Variants in DOCK3 observed in about 807,000 individuals in gnomAD.
DOCK3 encodes the protein dedicator of cytokinesis 3.
In DOCK3, 60 loss-of-function variants were observed where a neutral mutation model predicts 265.6. The ratio of observed to expected loss-of-function variants is 0.23; its 90% CI spans 0.18 to 0.28. DOCK3 has a LOEUF of 0.28. Among genes scored for constraint, DOCK3 ranks in the 10% least tolerant of loss-of-function variants. DOCK3 has a pLI of 1.00. For missense variants in DOCK3, 1,981 were observed against 2,594.3 expected (o/e 0.76, Z 5.14); for synonymous variants, 881 against 938.0 (o/e 0.94, Z 1.11).
At chr3:50,921,357 G>T (rs1260494782) in intron 4 of DOCK3, among the ~76,000 whole-genome samples, 1 of 152,142 alleles carries the variant, frequency 6.6e-6, no homozygotes, top group Non-Finnish European at 1.5e-5. Flanking sequence ...TGAAGCTTGT[G>T]CATGTGTCAC....
At chr3:50,957,096 T>C (rs1193284910) in intron 5 of DOCK3, among the ~76,000 whole-genome samples, 1 of 152,208 alleles carries the variant, frequency 6.6e-6, no homozygotes, top group African/African-American at 2.4e-5. Flanking sequence ...AGTTTTTCAC[T>C]GAAGCATCTG....
In DOCK3 at chr3:51,104,706, A is replaced by T. The variant is rs114549703; in HGVS notation, c.746+14322A>T. On this transcript the variant is annotated intron_variant, in intron 9 of 52. Transcript: ENST00000266037. ...TTAGTAAACACTTATAATCTGAGAA[A>T]AATATATAAACAACAATGAAGAGTT... Among the ~76,000 whole-genome samples, 1,314 of 152,252 alleles carry T rather than the reference A, an allele frequency of 8.6e-3. 24 individuals are homozygous for T. The highest frequency in any genetic ancestry group is 0.03 in the African/African-American group (1,254 of 41,492).
intron 22 of DOCK3, among the ~76,000 whole-genome samples, chr3:51,252,702 A>G (rs2079319477): frequency 6.6e-6 from 1 of 152,110 alleles, no homozygotes; most frequent in Non-Finnish European, 1.5e-5. Context: ...TGATTTTTGC[A>G]CATTGATTTT....
At chr3:50,750,322 ATTTT>A (rs34249464) in intron 1 of DOCK3, among the ~76,000 whole-genome samples, 1 of 73,628 alleles carries the variant, frequency 1.4e-5, no homozygotes. Context: ...TCTACCTTTG[ATTTT>A]TTTTTTTTTT....
intron 1 of DOCK3, among the ~76,000 whole-genome samples, chr3:50,777,458 GAT>G (rs765691645): frequency 6.6e-6 from 1 of 152,098 alleles, no homozygotes; most frequent in African/African-American, 2.4e-5. Flanking sequence ...AAATGATGAT[GAT>G]ATTTTGATGG....
rs934370010 is a variant in DOCK3, at chr3:50,890,107, A to G, written c.218+26A>G. 20 of 1,415,998 alleles carry G rather than the reference A, an allele frequency of 1.4e-5. No individual in the cohort carries two copies. The Admixed American group carries it at 4.2e-4, about 29-fold the overall frequency. The allele number at this position is 1,415,998 out of a possible 1,614,324, so 87.7% of individuals were successfully genotyped here. A position where few individuals can be genotyped will look rare whatever the true frequency, so the allele number is the denominator to read the frequency against. ...GTGAGTAATTGGCCTTACTAAATTT[A>G]TGTACAATTTTTATAGGCTACAGAG... On this transcript the variant is annotated intron_variant, in intron 4 of 52. Coordinates refer to ENST00000266037, the MANE Select transcript of DOCK3 (RefSeq NM_004947.5).
At chr3:51,146,713 GC>G in intron 10 of DOCK3, 83 bp downstream of exon 10, 1 of 1,288,914 alleles carries the variant, frequency 7.8e-7, no homozygotes, top group Non-Finnish European at 1.1e-6. Context: ...CTGGAAACAA[GC>G]ATTTAGTCTT....
intron 3 of DOCK3, among the ~76,000 whole-genome samples, chr3:50,843,391 T>A (rs544637328): frequency 4.6e-5 from 7 of 152,310 alleles, no homozygotes; most frequent in African/African-American, 1.7e-4. Context: ...TAACCAGACT[T>A]CTCTATGTAG....
intron 5 of DOCK3, among the ~76,000 whole-genome samples, chr3:50,956,680 G>A (rs2076739322): frequency 6.6e-6 from 1 of 152,118 alleles, no homozygotes; most frequent in Non-Finnish European, 1.5e-5. Context: ...CCAAGCTGAA[G>A]CACATAGATT....
intron 22 of DOCK3, among the ~76,000 whole-genome samples, chr3:51,253,651 T>C (rs1366171323): frequency 1.3e-5 from 2 of 152,226 alleles, no homozygotes; most frequent in Non-Finnish European, 2.9e-5. Flanking sequence ...TTTATTTGCG[T>C]AGAGGTGCTT....
chr3:51,200,240 C>T (rs2088629147), intron 12 of DOCK3, among the ~76,000 whole-genome samples: 1 of 151,576 alleles, frequency 6.6e-6, no homozygotes, highest in South Asian at 2.1e-4. Flanking sequence ...CTACGAGCTA[C>T]AGGAGGAAAT....
chr3:51,333,411 C>T (rs1484938304), intron 35 of DOCK3, among the ~76,000 whole-genome samples, 158 bp downstream of exon 35: 1 of 152,130 alleles, frequency 6.6e-6, no homozygotes, highest in Non-Finnish European at 1.5e-5. Flanking sequence ...TGCTGATGAC[C>T]AAGGAGAGAC....
chr3:51,259,761 A>G (rs1215852938), intron 22 of DOCK3, among the ~76,000 whole-genome samples: 1 of 152,226 alleles, frequency 6.6e-6, no homozygotes, highest in Admixed American at 6.5e-5. Context: ...TCCTTCTTGC[A>G]GTAAACTTGA....
chr3:50,893,037 A>G lies in DOCK3; in HGVS notation c.218+2956A>G, dbSNP rs377751753. Reference sequence around the variant, plus strand: ...CAGAACCCTGAGACTCTCAGGCTGGATGGAGGAATGAAGTGCGTACATTCA... The same window carrying G: ...CAGAACCCTGAGACTCTCAGGCTGGGTGGAGGAATGAAGTGCGTACATTCA... On this transcript the variant is annotated intron_variant, in intron 4 of 52. Coordinates refer to ENST00000266037, the MANE Select transcript of DOCK3 (RefSeq NM_004947.5). 9.2e-5 allele frequency among the ~76,000 whole-genome samples: 14 copies of G among 152,200 alleles called. No individual in the cohort carries two copies. The East Asian group carries it at 9.7e-4, about 11-fold the overall frequency.
At position 51,064,556 on chromosome 3, in the gene DOCK3, G is replaced by A. The variant is rs1315656653; in HGVS notation, c.424G>A (p.Val142Ile). Reference sequence around the variant, plus strand: ...CCTGACTCAGGATCAGGTGCGGGAGGTTAAGCGGCACATCACCGTGCGCCT... The same window carrying A: ...CCTGACTCAGGATCAGGTGCGGGAGATTAAGCGGCACATCACCGTGCGCCT... ...GHLTQDQVRE[V>I]KRHITVRLDW... is the part of the protein sequence containing the mutation. Residue 142 changes from valine to isoleucine, a missense_variant, in exon 6 of 53, where the codon GTT becomes ATT. By Grantham distance (29) the Val-to-Ile change is conservative. Coordinates refer to ENST00000266037, the MANE Select transcript of DOCK3 (RefSeq NM_004947.5). 6.2e-7 allele frequency: 1 copy of A among 1,613,976 alleles called. No individual in the cohort carries two copies. The highest frequency in any genetic ancestry group is 1.1e-5 in the South Asian group (1 of 91,086).
intron 3 of DOCK3, among the ~76,000 whole-genome samples, chr3:50,880,301 A>G (rs913738639): frequency 6.6e-6 from 1 of 151,790 alleles, no homozygotes; most frequent in African/African-American, 2.4e-5. Context: ...GGAGATAGAG[A>G]CACAAAAAAC....
chr3:50,814,069 A>G (rs1049383591), intron 2 of DOCK3, among the ~76,000 whole-genome samples: 1 of 151,902 alleles, frequency 6.6e-6, no homozygotes, highest in Non-Finnish European at 1.5e-5. Context: ...ATACTAATAT[A>G]ATACTAGTAT....
intron 5 of DOCK3, among the ~76,000 whole-genome samples, chr3:51,053,708 A>G (rs1303674467): frequency 1.3e-5 from 2 of 152,108 alleles, no homozygotes; most frequent in Non-Finnish European, 2.9e-5. Flanking sequence ...GGCATGAGCC[A>G]CCATGCTGGG....
chr3:50,798,911 T>A (rs1212267026), intron 2 of DOCK3, among the ~76,000 whole-genome samples: 1 of 152,202 alleles, frequency 6.6e-6, no homozygotes, highest in East Asian at 1.9e-4. Context: ...GAGTGAGAGG[T>A]AGAAGTCTAG....
Sources: allele counts gnomAD v4.1 joint callset (sites outside exome capture counted in the v4.1 genomes callset), GRCh38; gene constraint gnomAD v4.1.1; transcripts MANE v1.5; gene names NCBI Gene and HGNC (gene_info 2026-07-23, HGNC 2026-07-21).